Variants in FOLH1 observed in about 807,000 individuals in gnomAD.
The protein encoded by FOLH1 is folate hydrolase 1.
FOLH1 carries 54 observed loss-of-function variants against 93.9 expected under a neutral mutation model. That is an observed-to-expected ratio of 0.57 (90% CI 0.46 to 0.72). FOLH1 has a LOEUF of 0.72. Among genes scored for constraint, FOLH1 ranks in the 30% least tolerant of loss-of-function variants. The pLI is 0.00. For missense variants in FOLH1, 571 were observed against 892.5 expected (o/e 0.64, Z 4.59); for synonymous variants, 249 against 303.6 (o/e 0.82, Z 1.87).
intron 11 of FOLH1, among the ~76,000 whole-genome samples, chr11:49,169,826 T>G (rs947562013): frequency 5.1e-4 from 78 of 152,218 alleles, no homozygotes; most frequent in African/African-American, 1.8e-3. Context: ...GTAGCAAAGT[T>G]TTTTTGAGAT....
chr11:49,205,288 T>A (rs1863776258), intron 2 of FOLH1, among the ~76,000 whole-genome samples: 1 of 152,204 alleles, frequency 6.6e-6, no homozygotes, highest in Admixed American at 6.5e-5. Context: ...AAGTATTTTC[T>A]TTTTGGTTGC....
chr11:49,193,124 CA>C (rs1862253403), intron 3 of FOLH1, among the ~76,000 whole-genome samples: 1 of 151,816 alleles, frequency 6.6e-6, no homozygotes, highest in Non-Finnish European at 1.5e-5. Flanking sequence ...TTCAAGGAAA[CA>C]AAGCTAAAAA....
chr11:49,177,980 A>T (rs1860290579), intron 7 of FOLH1, among the ~76,000 whole-genome samples: 1 of 151,782 alleles, frequency 6.6e-6, no homozygotes, highest in Non-Finnish European at 1.5e-5. Flanking sequence ...AAAAAAACAA[A>T]AGAAAAAAAA....
chr11:49,155,702 A>T (rs1209981630), intron 15 of FOLH1: 1 of 150,522 alleles, frequency 6.6e-6, no homozygotes, highest in East Asian at 1.9e-4. Context: ...GGAAATAAGA[A>T]ACAACTGTTT....
chr11:49,181,128 G>A (rs1352550536), intron 7 of FOLH1, among the ~76,000 whole-genome samples: 2 of 136,928 alleles, frequency 1.5e-5, no homozygotes, highest in East Asian at 2.1e-4. Context: ...TTTTTTTTGA[G>A]ACGGAGTCTC....
At chr11:49,204,727 T>C (rs1023595970) in intron 2 of FOLH1, among the ~76,000 whole-genome samples, 4 of 152,172 alleles carry the variant, frequency 2.6e-5, no homozygotes, top group African/African-American at 9.7e-5. Flanking sequence ...TATGTTTGTA[T>C]GATTATATGT....
At chr11:49,162,936 C>G (rs923600943) in intron 13 of FOLH1, 7 of 152,058 alleles carry the variant, frequency 4.6e-5, no homozygotes, top group African/African-American at 9.7e-5. Flanking sequence ...AAGAATGCAG[C>G]CTGCTTCTTA....
At chr11:49,152,367 C>T (rs1856588468) in intron 17 of FOLH1, among the ~76,000 whole-genome samples, 1 of 152,116 alleles carries the variant, frequency 6.6e-6, no homozygotes, top group African/African-American at 2.4e-5. Context: ...ATGTATCTAT[C>T]TTTTTCAAAA....
At chr11:49,175,024 A>G (rs755747803) in intron 8 of FOLH1, 47 bp from the exon 9 acceptor site, 19 of 1,543,286 alleles carry the variant, frequency 1.2e-5, no homozygotes, top group Non-Finnish European at 1.6e-5. Context: ...ACTGGTTAAC[A>G]GATTAACACT....
chr11:49,181,168 C>T (rs952530370), intron 7 of FOLH1, among the ~76,000 whole-genome samples: 5 of 148,492 alleles, frequency 3.4e-5, no homozygotes, highest in African/African-American at 1.0e-4. Context: ...AATGCAGTGG[C>T]GCGATCTCGG....
Position 49,208,338 on chromosome 11 carries a change from CCCAGCGCACAG to C in FOLH1, c.61_71del (p.Leu21GlyfsTer24). 1 of 1,598,894 alleles carries C rather than the reference CCCAGCGCACAG, an allele frequency of 6.3e-7. No homozygotes were observed. The highest frequency in any genetic ancestry group is 8.5e-7 in the Non-Finnish European group (1 of 1,171,518). Reference sequence around the variant, plus strand: ...AGAAGCCACCCGCCAGCACCAGCGCCCCAGCGCACAGCCAGCGCGGGCGGCGCGCGGTGGCC... The same window carrying C: ...AGAAGCCACCCGCCAGCACCAGCGCCCCAGCGCGGGCGGCGCGCGGTGGCC... On this transcript the variant is annotated frameshift_variant, in exon 1 of 19. Coordinates refer to ENST00000256999, the MANE Select transcript of FOLH1 (RefSeq NM_004476.3). LOFTEE classifies it high-confidence loss of function.
intron 4 of FOLH1, 41 bp downstream of exon 4, chr11:49,192,752 G>A (rs762584379): frequency 9.7e-5 from 147 of 1,510,662 alleles, no homozygotes; most frequent in Middle Eastern, 1.7e-4. Flanking sequence ...GAGAAGGAAG[G>A]CTTCTTTTTG....
chr11:49,202,553 A>T (rs932614235), intron 2 of FOLH1, among the ~76,000 whole-genome samples: 2 of 152,190 alleles, frequency 1.3e-5, no homozygotes, highest in Non-Finnish European at 2.9e-5. Context: ...AGTTAAAAAA[A>T]TATTTTGTAG....
At chr11:49,175,418 C>T (rs2696899) in intron 8 of FOLH1, among the ~76,000 whole-genome samples, 2 of 152,172 alleles carry the variant, frequency 1.3e-5, no homozygotes, top group Admixed American at 6.5e-5. Context: ...CTTCCCACTA[C>T]ATGAGTTCAA....
At chr11:49,175,788 G>A (rs1859926987) in intron 8 of FOLH1, 71 bp downstream of exon 8, 1 of 1,376,948 alleles carries the variant, frequency 7.3e-7, no homozygotes, top group Non-Finnish European at 9.9e-7. Context: ...TACTTTTTCT[G>A]TCATCCTCTA....
At chr11:49,165,480 G>C (rs1858273514) in intron 12 of FOLH1, among the ~76,000 whole-genome samples, 1 of 152,188 alleles carries the variant, frequency 6.6e-6, no homozygotes, top group South Asian at 2.1e-4. Context: ...AAGCACCCAG[G>C]AGAGGTGTTC....
chr11:49,177,046 G>A (rs1405538591), intron 7 of FOLH1, among the ~76,000 whole-genome samples: 2 of 152,194 alleles, frequency 1.3e-5, no homozygotes, highest in African/African-American at 2.4e-5. Context: ...CTGTACACGG[G>A]TGCTTGTTCC....
chr11:49,188,237 A>G (rs1282302087), intron 4 of FOLH1, among the ~76,000 whole-genome samples: 2 of 152,152 alleles, frequency 1.3e-5, no homozygotes, highest in African/African-American at 4.8e-5. Flanking sequence ...ATTATAGGCC[A>G]GGCATGGTGG....
At position 49,174,109 on chromosome 11, in the gene FOLH1, C is replaced by T. The variant is rs958103570; in HGVS notation, c.1106-633G>A. Among the ~76,000 whole-genome samples, 3 of 152,126 alleles carry T rather than the reference C, an allele frequency of 2.0e-5. 1 individual carries two copies. Among genetic ancestry groups the T allele is most frequent in the African/African-American group, 7.2e-5 (3 of 41,422 alleles). The stretch of plus-strand genomic sequence containing the variant: ...TGGGTCTGTGTCTTCTTTTATCTCC[C>T]CATTTCCAATGCTTATCATGGAACT... On this transcript the variant is annotated intron_variant, in intron 9 of 18. Coordinates refer to ENST00000256999, the MANE Select transcript of FOLH1 (RefSeq NM_004476.3).
Sources: gnomAD v4.1 joint callset for allele counts (sites outside exome capture counted in the v4.1 genomes callset) on GRCh38, gnomAD v4.1.1 for gene constraint, MANE v1.5 for transcripts, NCBI Gene and HGNC (gene_info 2026-07-23, HGNC 2026-07-21) for gene names.